DNAAF5: variants seen among roughly 807,000 people sequenced by gnomAD.
The protein encoded by DNAAF5 is dynein axonemal assembly factor 5, also known as HEAT repeat containing 2.
A neutral mutation model predicts 75.8 loss-of-function variants in DNAAF5; 64 were observed. The ratio of observed to expected loss-of-function variants is 0.84; its 90% CI spans 0.69 to 1.04. The LOEUF (loss-of-function observed/expected upper bound fraction) is 1.04, where lower values mean the gene tolerates loss of function less well. Ranked by LOEUF, DNAAF5 falls within the 50% of genes least tolerant of loss-of-function variation. The pLI, the probability that DNAAF5 is intolerant of heterozygous loss-of-function variation, is 0.00. For synonymous variants in DNAAF5, 657 were observed against 557.2 expected (o/e 1.18, Z -2.52); for missense variants, 1,269 against 1,178.5 (o/e 1.08, Z -1.12).
Position 727,159 on chromosome 7 carries a change from C to T in DNAAF5, c.439C>T (p.Gln147Ter), listed in dbSNP as rs1219187843. Residue 147 changes from glutamine to a stop codon, truncating the protein, a stop_gained, in exon 1 of 13, where the codon CAG becomes TAG. Coordinates refer to ENST00000297440, the MANE Select transcript of DNAAF5 (RefSeq NM_017802.4). LOFTEE classifies it high-confidence loss of function. ...ACEELRLALV[Q>*]LLGLAVDLCG... ...TGAGGAGCTGCGCCTGGCGCTTGTG[C>T]AGCTGCTGGGCCTGGCCGTGGACCT... 2 of 1,288,192 alleles carry T rather than the reference C, an allele frequency of 1.6e-6. No individual in the cohort carries two copies. The highest frequency in any genetic ancestry group is 2.0e-6 in the Non-Finnish European group (2 of 1,014,268). 79.8% of individuals were successfully genotyped at this position (1,288,192 alleles called of 1,614,324 possible). A position where few individuals can be genotyped will look rare whatever the true frequency, so the allele number is the denominator to read the frequency against.
chr7:780,780 G>A (rs114436722), intron 12 of DNAAF5, among the ~76,000 whole-genome samples: 204 of 151,100 alleles, frequency 1.4e-3, no homozygotes, highest in African/African-American at 4.6e-3. Flanking sequence ...ATTAAAATCC[G>A]CTGGTCCATC....
At chr7:746,968 C>T (rs754490968) in intron 4 of DNAAF5, among the ~76,000 whole-genome samples, 3 of 152,226 alleles carry the variant, frequency 2.0e-5, no homozygotes, top group Admixed American at 6.5e-5. Flanking sequence ...GCACCTGTGT[C>T]TGCAGCACTT....
intron 9 of DNAAF5, chr7:772,173 G>A (rs1778590782): frequency 6.6e-6 from 1 of 152,268 alleles, no homozygotes; most frequent in African/African-American, 2.4e-5. Context: ...TCTCCACCTT[G>A]GACACCATGA....
At chr7:769,704 C>A (rs965056785) in intron 8 of DNAAF5, among the ~76,000 whole-genome samples, 3 of 152,236 alleles carry the variant, frequency 2.0e-5, no homozygotes, top group East Asian at 3.8e-4. Context: ...GGTGCCCAGG[C>A]TGGAGTGCAA....
chr7:748,824 G>A (rs1304909076), intron 4 of DNAAF5, among the ~76,000 whole-genome samples: 2 of 152,200 alleles, frequency 1.3e-5, no homozygotes, highest in African/African-American at 4.8e-5. Flanking sequence ...CAGCAAGAAC[G>A]GACAGTCCAA....
In DNAAF5 at chr7:740,723, C is replaced by G. The variant is rs1781877720; in HGVS notation, c.781-96C>G. 5.3e-6 allele frequency: 8 copies of G among 1,522,436 alleles called. No homozygotes were observed. The African/African-American group carries it at 9.5e-5, about 18-fold the overall frequency. 94.3% of individuals were successfully genotyped at this position (1,522,436 alleles called of 1,614,324 possible). A position where few individuals can be genotyped will look rare whatever the true frequency, so the allele number is the denominator to read the frequency against. ...GACCTGGCCGTGCCTCTGCCTCAGG[C>G]AGCGTCCGTATGGCAGCACTCAGAG... On this transcript the variant is annotated intron_variant, in intron 2 of 12. Transcript: ENST00000297440.
intron 4 of DNAAF5, among the ~76,000 whole-genome samples, chr7:747,700 C>A (rs1489071712): frequency 2.8e-5 from 3 of 106,752 alleles, no homozygotes; most frequent in South Asian, 3.8e-4. Context: ...CAGTGGTGGC[C>A]CACGGTGTTG....
chr7:777,369 G>A (rs1320177808), intron 11 of DNAAF5, among the ~76,000 whole-genome samples: 3 of 152,112 alleles, frequency 2.0e-5, no homozygotes, highest in Non-Finnish European at 2.9e-5. Flanking sequence ...CCACCTCAAA[G>A]TTACCTTTAT....
intron 12 of DNAAF5, among the ~76,000 whole-genome samples, chr7:780,385 T>A (rs183442888): frequency 3.3e-5 from 5 of 152,384 alleles, no homozygotes; most frequent in East Asian, 3.8e-4. Context: ...ACTTGTTAGT[T>A]GTTTAAAATA....
intron 11 of DNAAF5, chr7:778,607 C>G (rs1778840059): frequency 6.6e-6 from 1 of 152,336 alleles, no homozygotes; most frequent in African/African-American, 2.4e-5. Flanking sequence ...CTGTGTACTT[C>G]CATAGTCGAC....
intron 11 of DNAAF5, chr7:778,117 C>G (rs191267751): frequency 6.6e-6 from 1 of 152,232 alleles, no homozygotes; most frequent in Non-Finnish European, 1.5e-5. Flanking sequence ...CTCACCTTTG[C>G]TTTTCTGTTT....
intron 4 of DNAAF5, among the ~76,000 whole-genome samples, chr7:741,896 C>T (rs564022051): frequency 2.0e-5 from 3 of 152,282 alleles, no homozygotes; most frequent in South Asian, 4.2e-4. Context: ...GAGCTCAGCA[C>T]GAGGGCCACG....
intron 6 of DNAAF5, among the ~76,000 whole-genome samples, chr7:760,921 A>C (rs894467175): frequency 6.6e-6 from 1 of 152,262 alleles, no homozygotes; most frequent in Non-Finnish European, 1.5e-5. Context: ...AAAAATGCAC[A>C]GAAGAGGGGC....
In DNAAF5 at chr7:785,987, G is replaced by A; in HGVS notation, c.*334G>A. ...GCAGCTGGTTCATGAACTATTGGCT[G>A]CATCCTGCTTAGGTGCCCACCAAGA... On this transcript the variant is annotated 3_prime_UTR_variant, in exon 13 of 13. Coordinates refer to ENST00000297440, the MANE Select transcript of DNAAF5 (RefSeq NM_017802.4). The A allele has an allele frequency of 8.4e-6, 2 of 236,706 alleles. No homozygotes were observed. Among genetic ancestry groups the A allele is most frequent in the South Asian group, 1.0e-4 (1 of 9,738 alleles). 14.7% of individuals were successfully genotyped at this position (236,706 alleles called of 1,614,324 possible). A position where few individuals can be genotyped will look rare whatever the true frequency, so the allele number is the denominator to read the frequency against.
chr7:756,935 C>T lies in DNAAF5; in HGVS notation c.1411C>T (p.His471Tyr). 6.2e-7 allele frequency: 1 copy of T among 1,609,184 alleles called. No homozygotes were observed. Among genetic ancestry groups the T allele is most frequent in the Non-Finnish European group, 8.5e-7 (1 of 1,179,956 alleles). The change falls in exon 6 of 13, where the codon CAC (histidine) becomes TAC (tyrosine). Residue 471 changes from histidine (H) to tyrosine (Y), a missense_variant. By Grantham distance (83) the His-to-Tyr change is moderately conservative. Coordinates refer to ENST00000297440, the MANE Select transcript of DNAAF5 (RefSeq NM_017802.4). ...TTGCCCCCGAGAAGCCCTCCAGCCGCACCTGGCAGCCATCGCCACAGAGCT... is the reference window on the plus strand; with the variant it reads ...TTGCCCCCGAGAAGCCCTCCAGCCGTACCTGGCAGCCATCGCCACAGAGCT... The part of the protein sequence containing the change: ...RGCPREALQP[H>Y]LAAIATELAQ...
intron 2 of DNAAF5, among the ~76,000 whole-genome samples, chr7:739,600 G>A: frequency 6.6e-6 from 1 of 152,346 alleles, no homozygotes; most frequent in South Asian, 2.1e-4. Flanking sequence ...CGCACGCCGA[G>A]AGTCGCCTGT....
intron 2 of DNAAF5, among the ~76,000 whole-genome samples, chr7:731,560 T>C (rs1051987593): frequency 2.6e-5 from 4 of 152,242 alleles, no homozygotes; most frequent in Non-Finnish European, 5.9e-5. Context: ...CATCACATTG[T>C]TGATCTAAAG....
At chr7:727,446 G>C in intron 1 of DNAAF5, 131 bp downstream of exon 1, 1 of 324,126 alleles carries the variant, frequency 3.1e-6, no homozygotes, top group Non-Finnish European at 4.7e-6. Context: ...CAACATCCCG[G>C]ACCCCCCATG....
At position 754,642 on chromosome 7, in the gene DNAAF5, A is replaced by G. The variant is rs1782424939; in HGVS notation, c.1078A>G (p.Ile360Val). 2 of 1,614,032 alleles carry G rather than the reference A, an allele frequency of 1.2e-6. No homozygotes were observed. Among genetic ancestry groups the G allele is most frequent in the East Asian group, 4.5e-5 (2 of 44,864 alleles). The change falls in exon 5 of 13, where the codon ATC becomes GTC. Residue 360 changes from isoleucine to valine, a missense_variant. Transcript: ENST00000297440. The surrounding 1 kb of genome is among the most constrained non-coding windows in gnomAD (Gnocchi z 4.8). ...RELVFRNLSK[I>V]LPALCHDITD... Reference sequence around the variant, plus strand: ...GCTCGTCTTCAGGAACCTCTCCAAGATCCTCCCTGCCCTGTGCCACGACAT... The same window carrying G: ...GCTCGTCTTCAGGAACCTCTCCAAGGTCCTCCCTGCCCTGTGCCACGACAT...
Sources: gnomAD v4.1 joint callset for allele counts (sites outside exome capture counted in the v4.1 genomes callset) on GRCh38, gnomAD v4.1.1 for gene constraint, Gnocchi (gnomAD v3.1) non-coding constraint, MANE v1.5 for transcripts, NCBI Gene and HGNC (gene_info 2026-07-23, HGNC 2026-07-21) for gene names.